The following IL12RB2 variants were observed in gnomAD, a reference collection of about 807,000 sequenced individuals.
The protein encoded by IL12RB2 is interleukin-12 receptor subunit beta-2.
IL12RB2 carries 82 observed loss-of-function variants against 89.4 expected under a neutral mutation model. The ratio of observed to expected loss-of-function variants is 0.92; its 90% confidence interval spans 0.77 to 1.10. The LOEUF is 1.10. Among genes scored for constraint, IL12RB2 ranks in the 50% least tolerant of loss-of-function variants. The pLI, the probability that IL12RB2 is intolerant of heterozygous loss-of-function variation, is 0.00. For missense variants in IL12RB2, 963 were observed against 1,031.9 expected (o/e 0.93, Z 0.92); for synonymous variants, 368 against 370.1 (o/e 0.99, Z 0.07).
intron 9 of IL12RB2, among the ~76,000 whole-genome samples, chr1:67,348,065 C>T (rs1005582636): frequency 2.0e-5 from 3 of 152,140 alleles, no homozygotes; most frequent in Admixed American, 1.3e-4. Context: ...TTCACCCAAA[C>T]CAGCAGCACC....
chr1:67,395,647 C>T lies in IL12RB2; in HGVS notation c.2147C>T (p.Pro716Leu). The T allele has an allele frequency of 6.2e-7, 1 of 1,614,210 alleles. No homozygotes were observed. The highest frequency in any genetic ancestry group is 8.5e-7 in the Non-Finnish European group (1 of 1,180,026). ...AGTGAAGTCCTTCATCAAGTGACCC[C>T]AGTTTTCAGACATCCCCCCTGCTCC... is the stretch of plus-strand genomic sequence containing the variant. ...VISEVLHQVT[P>L]VFRHPPCSNW... The change falls in exon 17 of 17, where the codon CCA (proline) becomes CTA (leucine). Residue 716 changes from proline to leucine, a missense_variant. Physicochemically the swap from Pro to Leu is moderately conservative, Grantham distance 98. Coordinates refer to ENST00000674203, the MANE Select transcript of IL12RB2 (RefSeq NM_001374259.2).
intron 16 of IL12RB2, among the ~76,000 whole-genome samples, chr1:67,393,183 T>G (rs1666009449): frequency 6.6e-6 from 1 of 152,150 alleles, no homozygotes; most frequent in Non-Finnish European, 1.5e-5. Flanking sequence ...CTTTGAGCTA[T>G]CAGGCCTTCC....
At chr1:67,350,238 T>C (rs1660680403) in intron 9 of IL12RB2, among the ~76,000 whole-genome samples, 1 of 152,268 alleles carries the variant, frequency 6.6e-6, no homozygotes, top group South Asian at 2.1e-4. Flanking sequence ...AGTTCTCTGC[T>C]TACTTTCTGG....
chr1:67,355,587 G>A (rs752666260), intron 10 of IL12RB2, among the ~76,000 whole-genome samples: 4 of 152,146 alleles, frequency 2.6e-5, no homozygotes, highest in Non-Finnish European at 5.9e-5. Context: ...AGATGGCAGA[G>A]ACTGGGGCCC....
intron 9 of IL12RB2, among the ~76,000 whole-genome samples, chr1:67,339,733 A>T (rs1659311307): frequency 6.6e-6 from 1 of 152,170 alleles, no homozygotes; most frequent in Non-Finnish European, 1.5e-5. Context: ...CGAATGAATG[A>T]GTGAATGAAA....
chr1:67,343,535 G>C (rs893923114), intron 9 of IL12RB2, among the ~76,000 whole-genome samples: 1 of 152,152 alleles, frequency 6.6e-6, no homozygotes, highest in Non-Finnish European at 1.5e-5. Flanking sequence ...CCCCAGGGTT[G>C]GATTAGGCCC....
chr1:67,376,488 C>A (rs370507605), intron 13 of IL12RB2, among the ~76,000 whole-genome samples: 1 of 152,162 alleles, frequency 6.6e-6, no homozygotes, highest in Admixed American at 6.6e-5. Flanking sequence ...ATTGAATCAC[C>A]CTGAGTGTAA....
intron 1 of IL12RB2, among the ~76,000 whole-genome samples, chr1:67,313,022 G>A (rs760195762): frequency 6.6e-5 from 10 of 152,246 alleles, no homozygotes; most frequent in Non-Finnish European, 1.0e-4. Flanking sequence ...GAATGGGGCC[G>A]GTTTGATGAT....
At chr1:67,356,420 C>A (rs771745594) in intron 10 of IL12RB2, among the ~76,000 whole-genome samples, 2 of 152,190 alleles carry the variant, frequency 1.3e-5, no homozygotes, top group South Asian at 4.1e-4. Flanking sequence ...TGGAACCTCA[C>A]TGGGGAGGAG....
intron 10 of IL12RB2, among the ~76,000 whole-genome samples, chr1:67,358,395 G>A (rs1200631909): frequency 1.3e-5 from 2 of 151,998 alleles, no homozygotes; most frequent in Admixed American, 6.6e-5. Flanking sequence ...GGCCAACCTG[G>A]TGAAACCCTG....
chr1:67,338,323 C>T (rs1659067664), intron 8 of IL12RB2, among the ~76,000 whole-genome samples: 1 of 71,782 alleles, frequency 1.4e-5, no homozygotes, highest in African/African-American at 4.7e-5. Flanking sequence ...GGCAACAGAG[C>T]AAGATCCTGT....
Position 67,384,807 on chromosome 1 carries a change from C to T in IL12RB2, c.1856-1772C>T, listed in dbSNP as rs373474296. Among the ~76,000 whole-genome samples, 25 of 152,336 alleles carry T rather than the reference C, an allele frequency of 1.6e-4. No homozygotes were observed. In the East Asian group the frequency reaches 3.7e-3, roughly 22 times the overall value. Reference sequence around the variant, plus strand: ...GTTTGCATAGCAAGAGTAACCTTTACTCCAGTTCCCAACAAGTTCCTTGTC... The same window carrying T: ...GTTTGCATAGCAAGAGTAACCTTTATTCCAGTTCCCAACAAGTTCCTTGTC... On this transcript the variant is annotated intron_variant, in intron 14 of 16. Transcript: ENST00000674203.
Position 67,327,759 on chromosome 1 carries a change from A to G in IL12RB2, c.480-441A>G, listed in dbSNP as rs142894050. On this transcript the variant is annotated intron_variant, in intron 5 of 16. Coordinates refer to ENST00000674203, the MANE Select transcript of IL12RB2 (RefSeq NM_001374259.2). ...TAGTACATTTACTTTTTCTAACCTA[A>G]AGGAAACATCTATTGACACGCGGGT... Among the ~76,000 whole-genome samples the G allele has an allele frequency of 2.0e-4, 31 of 152,314 alleles. No individual in the cohort carries two copies. The East Asian group carries it at 5.4e-3, about 27-fold the overall frequency.
At chr1:67,354,523 A>G (rs1661175558) in intron 10 of IL12RB2, among the ~76,000 whole-genome samples, 1 of 152,154 alleles carries the variant, frequency 6.6e-6, no homozygotes, top group Non-Finnish European at 1.5e-5. Flanking sequence ...TCAGGAGGGA[A>G]AGAAGGACAT....
At chr1:67,351,198 G>C in intron 10 of IL12RB2, 109 bp downstream of exon 10, 2 of 1,545,760 alleles carry the variant, frequency 1.3e-6, no homozygotes, top group Non-Finnish European at 1.7e-6. Context: ...AGGAGTTCAG[G>C]CTTTGGAGTC....
chr1:67,362,688 A>C (rs1479242871), intron 10 of IL12RB2, among the ~76,000 whole-genome samples: 1 of 152,054 alleles, frequency 6.6e-6, no homozygotes, highest in Non-Finnish European at 1.5e-5. Flanking sequence ...CTAGCAGTCT[A>C]TACGCTGTGA....
rs931655629 is a variant in IL12RB2 at position 67,329,491 on chromosome 1, G to T, written c.665-96G>T. 31 of 812,406 alleles carry T rather than the reference G, an allele frequency of 3.8e-5. No homozygotes were observed. The Admixed American group carries it at 5.3e-4, about 14-fold the overall frequency. The allele number at this position is 812,406 out of a possible 1,614,324, so 50.3% of individuals were successfully genotyped here. On this transcript the variant is annotated intron_variant, in intron 6 of 16. Coordinates refer to ENST00000674203, the MANE Select transcript of IL12RB2 (RefSeq NM_001374259.2). ...TTTGATGGTTGTGCATCTCAGAACTGAGTTTTGTCAAACTCTTTATAGCTC... is the reference window on the plus strand; with the variant it reads ...TTTGATGGTTGTGCATCTCAGAACTTAGTTTTGTCAAACTCTTTATAGCTC...
intron 10 of IL12RB2, among the ~76,000 whole-genome samples, chr1:67,364,903 C>A (rs1172104136): frequency 1.3e-5 from 2 of 152,192 alleles, no homozygotes; most frequent in Admixed American, 6.5e-5. Flanking sequence ...ACACCATATT[C>A]TGGGTCATAA....
intron 2 of IL12RB2, 77 bp from the exon 3 acceptor site, chr1:67,320,256 G>C (rs1656316780): frequency 6.3e-7 from 1 of 1,594,142 alleles, no homozygotes; most frequent in Admixed American, 1.7e-5. Flanking sequence ...AGCGGCACTT[G>C]AAGCTCTTCT....
Sources: allele counts gnomAD v4.1 joint callset (sites outside exome capture counted in the v4.1 genomes callset), GRCh38; gene constraint gnomAD v4.1.1; transcripts MANE v1.5; gene names NCBI Gene and HGNC (gene_info 2026-07-23, HGNC 2026-07-21).